CDH22: variants seen among roughly 807,000 people sequenced by gnomAD.
CDH22 encodes cadherin-22.
CDH22 carries 30 observed loss-of-function variants against 58.4 expected under a neutral mutation model. The ratio of observed to expected loss-of-function variants is 0.51; its 90% CI spans 0.38 to 0.70. The LOEUF is 0.70. Ranked by LOEUF, CDH22 falls within the 30% of genes least tolerant of loss-of-function variation. The pLI is 0.00. For missense variants in CDH22, 1,014 were observed against 1,233.9 expected (o/e 0.82, Z 2.67); for synonymous variants, 513 against 558.2 (o/e 0.92, Z 1.14).
chr20:46,290,922 G>T (rs2086599021), intron 1 of CDH22, among the ~76,000 whole-genome samples: 1 of 152,070 alleles, frequency 6.6e-6, no homozygotes, highest in Non-Finnish European at 1.5e-5. Flanking sequence ...GCATCTGGAG[G>T]GCCTGGTGTC....
At chr20:46,258,995 A>G (rs1260848882) in intron 1 of CDH22, among the ~76,000 whole-genome samples, 1 of 152,196 alleles carries the variant, frequency 6.6e-6, no homozygotes, top group African/African-American at 2.4e-5. Context: ...GCATTTCCAT[A>G]CACATTACAG....
rs1422357172 is a variant in CDH22, at chr20:46,241,365, C to T, written c.256-108G>A. On this transcript the variant is annotated intron_variant, in intron 2 of 11. Coordinates refer to ENST00000537909, the MANE Select transcript of CDH22 (RefSeq NM_021248.3). This position sits in a 1 kb window ranked among gnomAD's most constrained non-coding sequence, Gnocchi z 5.2. ...ATTCCTAAGCCCATCTCTTCTCCAG[C>T]ACATACACATCTTTAGTGAGGACAC... 4.4e-6 allele frequency: 4 copies of T among 916,754 alleles called. No homozygotes were observed. Among genetic ancestry groups the T allele is most frequent in the Admixed American group, 2.8e-5 (1 of 35,644 alleles). The allele number at this position is 916,754 out of a possible 1,614,324, so 56.8% of individuals were successfully genotyped here. A position where few individuals can be genotyped will look rare whatever the true frequency, so the allele number is the denominator to read the frequency against.
rs1451020330 is a variant in CDH22 at position 46,223,850 on chromosome 20, C to T, written c.670+3658G>A. 4.1e-3 allele frequency among the ~76,000 whole-genome samples: 155 copies of T among 38,190 alleles called. 2 individuals carry two copies. Among genetic ancestry groups the T allele is most frequent in the African/African-American group, 0.014 (150 of 10,706 alleles). The allele number at this position is 38,190 out of a possible 152,430, so 25.1% of individuals were successfully genotyped here. On this transcript the variant is annotated intron_variant, in intron 4 of 11. Coordinates refer to ENST00000537909, the MANE Select transcript of CDH22 (RefSeq NM_021248.3). ...CCTTCCTTCCTTCCTTCCTTCCTTC[C>T]TTCTTTCTTTCTTTTCTTTTTGAGA...
intron 10 of CDH22, among the ~76,000 whole-genome samples, chr20:46,185,130 TACACACAC>T (rs11467388): frequency 0.11 from 15,810 of 148,584 alleles, 863 homozygotes; most frequent in Middle Eastern, 0.14. Context: ...CCCACACGCA[TACACACAC>T]ACACACACAC....
chr20:46,294,178 A>G (rs1354442687), intron 1 of CDH22, among the ~76,000 whole-genome samples: 2 of 152,196 alleles, frequency 1.3e-5, no homozygotes, highest in East Asian at 3.8e-4. Flanking sequence ...ATCAGCTTCA[A>G]CCTTCACCTA....
intron 1 of CDH22, among the ~76,000 whole-genome samples, chr20:46,260,925 AG>A (rs2086430271): frequency 6.6e-6 from 1 of 152,172 alleles, no homozygotes; most frequent in Admixed American, 6.5e-5. Context: ...AGCGACCCCC[AG>A]ACAGAACAAA....
At chr20:46,208,447 A>G (rs2086016203) in intron 7 of CDH22, among the ~76,000 whole-genome samples, 1 of 151,892 alleles carries the variant, frequency 6.6e-6, no homozygotes. Context: ...CCACATTGCC[A>G]GGTCAGTCCC....
intron 10 of CDH22, 86 bp from the exon 11 acceptor site, chr20:46,178,283 TTTGC>T (rs2085756222): frequency 2.0e-6 from 3 of 1,470,254 alleles, no homozygotes; most frequent in African/African-American, 1.4e-5. Flanking sequence ...CATCGTGAGA[TTTGC>T]CTCCCTATGC....
intron 1 of CDH22, among the ~76,000 whole-genome samples, chr20:46,297,062 G>A (rs1240199968): frequency 6.6e-6 from 1 of 152,176 alleles, no homozygotes; most frequent in East Asian, 1.9e-4. Context: ...CTGAGTTGAT[G>A]CAGAGACCTG....
intron 7 of CDH22, among the ~76,000 whole-genome samples, chr20:46,200,086 G>A (rs1338660072): frequency 6.6e-6 from 1 of 152,126 alleles, no homozygotes; most frequent in African/African-American, 2.4e-5. Flanking sequence ...CCATTCTCCT[G>A]CCTCAGTCTC....
At chr20:46,198,544 C>T (rs545790439) in intron 8 of CDH22, among the ~76,000 whole-genome samples, 1 of 152,050 alleles carries the variant, frequency 6.6e-6, no homozygotes, top group Non-Finnish European at 1.5e-5. Flanking sequence ...TTGCTTTCAG[C>T]TTCTAGCTAA....
At chr20:46,194,638 T>C (rs939335528) in intron 8 of CDH22, among the ~76,000 whole-genome samples, 3 of 152,238 alleles carry the variant, frequency 2.0e-5, no homozygotes, top group African/African-American at 7.2e-5. Flanking sequence ...TGAGGCACAT[T>C]ATTTCTAATC....
At chr20:46,228,086 G>C (rs1210424131) in intron 3 of CDH22, among the ~76,000 whole-genome samples, 4 of 152,216 alleles carry the variant, frequency 2.6e-5, no homozygotes, top group Non-Finnish European at 4.4e-5. Flanking sequence ...ACCAGGACCT[G>C]ACTCTCAACC....
At chr20:46,223,675 TTC>T (rs893476461) in intron 4 of CDH22, among the ~76,000 whole-genome samples, 2 of 62,650 alleles carry the variant, frequency 3.2e-5, no homozygotes, top group African/African-American at 1.2e-4. Flanking sequence ...CCTTCTTTCT[TTC>T]TTTCTTTCTT....
At chr20:46,188,213 G>A (rs1394993692) in intron 8 of CDH22, among the ~76,000 whole-genome samples, 2 of 152,214 alleles carry the variant, frequency 1.3e-5, no homozygotes, top group Non-Finnish European at 2.9e-5. Flanking sequence ...GTTTGGTCTT[G>A]GGTAAGACCC....
At chr20:46,276,315 A>C (rs1348697450) in intron 1 of CDH22, among the ~76,000 whole-genome samples, 1 of 152,164 alleles carries the variant, frequency 6.6e-6, no homozygotes, top group Non-Finnish European at 1.5e-5. Context: ...CAGTGATTAG[A>C]TTCACCTTTT....
At chr20:46,278,592 C>T (rs1486910041) in intron 1 of CDH22, among the ~76,000 whole-genome samples, 1 of 152,030 alleles carries the variant, frequency 6.6e-6, no homozygotes, top group Non-Finnish European at 1.5e-5. Context: ...TTATTATTAT[C>T]TATTTTTTTT....
intron 1 of CDH22, among the ~76,000 whole-genome samples, chr20:46,274,142 C>G (rs2145760183): frequency 6.6e-6 from 1 of 152,308 alleles, no homozygotes; most frequent in Middle Eastern, 3.4e-3. Context: ...GACTCTGCAG[C>G]TTCGAACAGT....
In CDH22 at chr20:46,174,913, A is replaced by C; in HGVS notation, c.2080T>G (p.Phe694Val). 1 of 1,503,306 alleles carries C rather than the reference A, an allele frequency of 6.7e-7. No individual in the cohort carries two copies. The highest frequency in any genetic ancestry group is 8.9e-7 in the Non-Finnish European group (1 of 1,129,160). The allele number at this position is 1,503,306 out of a possible 1,614,324, so 93.1% of individuals were successfully genotyped here. The change falls in exon 12 of 12, where the codon TTC becomes GTC. Residue 694 changes from phenylalanine (F) to valine (V), a missense_variant. Physicochemically the swap from Phe to Val is conservative, Grantham distance 50 (BLOSUM62 -1). Transcript: ENST00000537909. This position sits in a 1 kb window ranked among gnomAD's most constrained non-coding sequence, Gnocchi z 4.4. ...DMSALRSLYD[F>V]GELKGGDGGG... ...CCGTCGCCGCCCTTGAGCTCGCCGAAGTCGTAGAGGCTCCGCAGCGCCGAC... is the reference window on the plus strand; with the variant it reads ...CCGTCGCCGCCCTTGAGCTCGCCGACGTCGTAGAGGCTCCGCAGCGCCGAC...
Sources: allele counts gnomAD v4.1 joint callset (sites outside exome capture counted in the v4.1 genomes callset), GRCh38; gene constraint gnomAD v4.1.1; non-coding constraint Gnocchi (gnomAD v3.1); transcripts MANE v1.5; gene names NCBI Gene and HGNC (gene_info 2026-07-23, HGNC 2026-07-21).